Variants in FAM117B observed in about 807,000 individuals in gnomAD.
The protein encoded by FAM117B is family with sequence similarity 117 member B, also known as protein FAM117B.
FAM117B carries 22 observed loss-of-function variants against 52.8 expected under a neutral mutation model. That is an observed-to-expected ratio of 0.42 (90% CI 0.30 to 0.59). The LOEUF (loss-of-function observed/expected upper bound fraction) is 0.59, where lower values mean the gene tolerates loss of function less well. FAM117B is among the 20% of genes least tolerant of loss of function. FAM117B has a pLI of 0.22. For missense variants in FAM117B, 678 were observed against 802.6 expected (o/e 0.84, Z 1.88); for synonymous variants, 309 against 324.1 (o/e 0.95, Z 0.50).
At chr2:202,760,615 C>A (rs909563996) in intron 7 of FAM117B, among the ~76,000 whole-genome samples, 1 of 152,078 alleles carries the variant, frequency 6.6e-6, no homozygotes, top group African/African-American at 2.4e-5. Flanking sequence ...AGTGTAGAAG[C>A]CATGAATTGT....
At chr2:202,701,227 C>T (rs1024777049) in intron 2 of FAM117B, among the ~76,000 whole-genome samples, 18 of 152,172 alleles carry the variant, frequency 1.2e-4, no homozygotes, top group African/African-American at 3.6e-4. Flanking sequence ...ATTCATGGAA[C>T]GACAAAGCCT....
At chr2:202,668,517 G>A (rs1466395392) in intron 1 of FAM117B, among the ~76,000 whole-genome samples, 1 of 119,342 alleles carries the variant, frequency 8.4e-6, no homozygotes, top group Non-Finnish European at 1.6e-5. Context: ...GACAGAGCGA[G>A]ACTCTCTCTC....
At chr2:202,726,143 T>G in intron 3 of FAM117B, 107 bp from the exon 4 acceptor site, 2 of 686,466 alleles carry the variant, frequency 2.9e-6, no homozygotes, top group Non-Finnish European at 5.0e-6. Flanking sequence ...GTTCAAAAAT[T>G]CAAAGGACTT....
intron 1 of FAM117B, among the ~76,000 whole-genome samples, chr2:202,658,720 C>G (rs186680162): frequency 6.6e-6 from 1 of 152,164 alleles, no homozygotes; most frequent in Non-Finnish European, 1.5e-5. Context: ...GATGAGACAT[C>G]TATAATCACT....
rs1244356720 is a variant in FAM117B, at chr2:202,696,044, A to G, written c.753+12A>G. ...ACAAAGCTACACAGGTAAGCTTATT[A>G]TAGTTCTTATCCTGAAGTGTTTTTC... On this transcript the variant is annotated intron_variant, in intron 2 of 7. Coordinates refer to ENST00000392238, the MANE Select transcript of FAM117B (RefSeq NM_173511.4). 1.2e-6 allele frequency: 2 copies of G among 1,611,800 alleles called. No homozygotes were observed. The highest frequency in any genetic ancestry group is 1.7e-4 in the Middle Eastern group (1 of 6,046).
At chr2:202,747,170 A>G (rs935706815) in intron 4 of FAM117B, among the ~76,000 whole-genome samples, 2 of 152,180 alleles carry the variant, frequency 1.3e-5, no homozygotes, top group African/African-American at 4.8e-5. Flanking sequence ...AGAATGTAGG[A>G]CAAAAACCAA....
In FAM117B at chr2:202,768,400, TGCAGGTAAATGAATTGTATG is replaced by T. The variant is rs2105804097; in HGVS notation, c.*2640_*2659del. 6.6e-6 allele frequency: 1 copy of T among 152,566 alleles called. No homozygotes were observed. Among genetic ancestry groups the T allele is most frequent in the South Asian group, 2.1e-4 (1 of 4,828 alleles). 9.5% of individuals were successfully genotyped at this position (152,566 alleles called of 1,614,324 possible). Reference sequence around the variant, plus strand: ...TTTGGTTGTAAGGAGAATGTGAATTTGCAGGTAAATGAATTGTATGGCAACCAGACAGATCCCTGGGGTTT... The same window carrying T: ...TTTGGTTGTAAGGAGAATGTGAATTTGCAACCAGACAGATCCCTGGGGTTT... On this transcript the variant is annotated 3_prime_UTR_variant, in exon 8 of 8. Coordinates refer to ENST00000392238, the MANE Select transcript of FAM117B (RefSeq NM_173511.4).
chr2:202,761,392 A>G (rs775291860), intron 7 of FAM117B, among the ~76,000 whole-genome samples: 5 of 152,208 alleles, frequency 3.3e-5, no homozygotes, highest in South Asian at 2.1e-4. Flanking sequence ...TGTCTGAGCT[A>G]TGTACTACTA....
chr2:202,739,434 T>C (rs1028168236), intron 4 of FAM117B, among the ~76,000 whole-genome samples: 2 of 147,646 alleles, frequency 1.4e-5, no homozygotes, highest in African/African-American at 5.0e-5. Flanking sequence ...TGTCTGTCCT[T>C]CCCTCCCCTC....
At chr2:202,699,118 A>T (rs1001129239) in intron 2 of FAM117B, among the ~76,000 whole-genome samples, 27 of 152,208 alleles carry the variant, frequency 1.8e-4, no homozygotes, top group African/African-American at 6.5e-4. Context: ...TGAGAATGTT[A>T]AGGGTACAAA....
chr2:202,747,868 A>G (rs1378234372), intron 4 of FAM117B, among the ~76,000 whole-genome samples: 11 of 152,154 alleles, frequency 7.2e-5, no homozygotes, highest in Non-Finnish European at 1.5e-5. Flanking sequence ...TAAAATGACC[A>G]TACTATCCAA....
At chr2:202,688,260 C>T (rs1202947321) in intron 1 of FAM117B, among the ~76,000 whole-genome samples, 1 of 152,096 alleles carries the variant, frequency 6.6e-6, no homozygotes, top group African/African-American at 2.4e-5. Context: ...AATAAATTCA[C>T]ATGGCAAATT....
At chr2:202,637,193 G>A (rs976272756) in intron 1 of FAM117B, among the ~76,000 whole-genome samples, 1 of 151,848 alleles carries the variant, frequency 6.6e-6, no homozygotes, top group East Asian at 2.0e-4. Flanking sequence ...CACTGCGCCC[G>A]GCCCGAATAG....
intron 1 of FAM117B, among the ~76,000 whole-genome samples, 160 bp downstream of exon 1, chr2:202,635,948 C>T (rs1404042875): frequency 1.3e-5 from 2 of 151,818 alleles, no homozygotes; most frequent in African/African-American, 4.8e-5. Flanking sequence ...GGCAGTGCGG[C>T]CCCGCCTTTC....
At chr2:202,729,265 C>T (rs984277044) in intron 4 of FAM117B, among the ~76,000 whole-genome samples, 128 of 151,844 alleles carry the variant, frequency 8.4e-4, no homozygotes, top group African/African-American at 1.5e-3. Flanking sequence ...GCCCAGGAGG[C>T]GGAGGTTGCA....
chr2:202,747,049 A>T (rs1691646185), intron 4 of FAM117B, among the ~76,000 whole-genome samples: 2 of 152,168 alleles, frequency 1.3e-5, no homozygotes, highest in South Asian at 4.1e-4. Context: ...GGCAAACCAG[A>T]TCTAACAACA....
At chr2:202,663,848 T>A (rs1574546660) in intron 1 of FAM117B, among the ~76,000 whole-genome samples, 2 of 152,284 alleles carry the variant, frequency 1.3e-5, no homozygotes, top group Middle Eastern at 6.8e-3. Context: ...CCTCCCAAAG[T>A]GTTGGGATTA....
intron 1 of FAM117B, among the ~76,000 whole-genome samples, chr2:202,691,832 T>C (rs959089305): frequency 6.6e-6 from 1 of 152,186 alleles, no homozygotes; most frequent in Non-Finnish European, 1.5e-5. Context: ...GTTAATAATG[T>C]GGGTACATAT....
At chr2:202,642,744 A>T (rs1184519079) in intron 1 of FAM117B, among the ~76,000 whole-genome samples, 1 of 152,212 alleles carries the variant, frequency 6.6e-6, no homozygotes, top group East Asian at 1.9e-4. Flanking sequence ...TTCATTTAAC[A>T]TGTACATCAT....
Sources: allele counts gnomAD v4.1 joint callset (sites outside exome capture counted in the v4.1 genomes callset), GRCh38; gene constraint gnomAD v4.1.1; transcripts MANE v1.5; gene names NCBI Gene and HGNC (gene_info 2026-07-23, HGNC 2026-07-21).